The following IL5RA variants were observed in gnomAD, a reference collection of about 807,000 sequenced individuals.
The protein encoded by IL5RA is interleukin-5 receptor subunit alpha.
In IL5RA, 49 loss-of-function variants were observed where a neutral mutation model predicts 50.0. The ratio of observed to expected loss-of-function variants is 0.98; its 90% CI spans 0.78 to 1.24. IL5RA has a LOEUF of 1.24. IL5RA is among the 50% of genes most tolerant of loss of function. The probability of loss-of-function intolerance (pLI) is 0.00; values close to 1 mark genes in which losing one functional copy is unlikely to be tolerated. For missense variants in IL5RA, 600 were observed against 500.4 expected, an observed-to-expected ratio of 1.20 and a Z score of -1.90; for synonymous variants, 202 against 174.0, an observed-to-expected ratio of 1.16 and a Z score of -1.26.
At chr3:3,102,516 C>G (rs1162526927) in intron 4 of IL5RA, among the ~76,000 whole-genome samples, 159 bp downstream of exon 4, 1 of 152,192 alleles carries the variant, frequency 6.6e-6, no homozygotes, top group Non-Finnish European at 1.5e-5. Flanking sequence ...CCGGCGCTAG[C>G]TCACAGGCAT....
At chr3:3,102,577 A>C in intron 4 of IL5RA, 98 bp downstream of exon 4, 1 of 824,276 alleles carries the variant, frequency 1.2e-6, no homozygotes, top group Admixed American at 2.9e-5. Context: ...CCTGTCAGTA[A>C]TTTTATTTTT....
Position 3,092,150 on chromosome 3 carries a change from C to G in IL5RA, c.994+74G>C, listed in dbSNP as rs533721968. 6.4e-7 allele frequency: 1 copy of G among 1,566,662 alleles called. No individual in the cohort carries two copies. Among genetic ancestry groups the G allele is most frequent in the Non-Finnish European group, 8.6e-7 (1 of 1,160,848 alleles). On this transcript the variant is annotated intron_variant, in intron 9 of 11. Transcript: ENST00000446632. This position sits in a 1 kb window ranked among gnomAD's most constrained non-coding sequence, Gnocchi z 4.2. ...AACCATTTTAAGACCCACGAGTGAACGGGTACGTTTCTGGGATTACCTTTT... is the reference window on the plus strand; with the variant it reads ...AACCATTTTAAGACCCACGAGTGAAGGGGTACGTTTCTGGGATTACCTTTT...
At chr3:3,072,713 A>T (rs999301718) in intron 11 of IL5RA, among the ~76,000 whole-genome samples, 5 of 152,158 alleles carry the variant, frequency 3.3e-5, no homozygotes, top group African/African-American at 1.2e-4. Context: ...GGAGTTCAAG[A>T]CCAGCCTGGC....
rs775580829 is a variant in IL5RA, at chr3:3,102,759, T to C, written c.144A>G (p.Leu48=). The part of the protein sequence containing the change: ...IKVTGLAQVL[L]QWKPNPDQEQ... ...CTTGATCAGGATTTGGTTTCCATTG[T>C]AAAAGAACTTGAGCCAAACCAGTAA... The change falls in exon 4 of 12, where the codon TTA becomes TTG. Residue 48 remains leucine (L), a synonymous_variant. Transcript: ENST00000446632. The C allele has an allele frequency of 2.5e-6, 4 of 1,611,736 alleles. No homozygotes were observed. The highest frequency in any genetic ancestry group is 3.4e-6 in the Non-Finnish European group (4 of 1,178,272).
chr3:3,097,348 T>C (rs1703411677), intron 7 of IL5RA, among the ~76,000 whole-genome samples: 1 of 152,168 alleles, frequency 6.6e-6, no homozygotes, highest in Non-Finnish European at 1.5e-5. Flanking sequence ...GTGCTGCCTG[T>C]GAACAGCTAA....
chr3:3,092,021 A>C lies in IL5RA; in HGVS notation c.994+203T>G. 1 of 1,294,664 alleles carries C rather than the reference A, an allele frequency of 7.7e-7. No individual in the cohort carries two copies. Among genetic ancestry groups the C allele is most frequent in the Non-Finnish European group, 9.8e-7 (1 of 1,023,622 alleles). 80.2% of individuals were successfully genotyped at this position (1,294,664 alleles called of 1,614,324 possible). A position where few individuals can be genotyped will look rare whatever the true frequency, so the allele number is the denominator to read the frequency against. On this transcript the variant is annotated intron_variant, in intron 9 of 11. Transcript: ENST00000446632. The surrounding 1 kb of genome is among the most constrained non-coding windows in gnomAD (Gnocchi z 4.2). ...ACCAGGTCTAGGAGAGTTGGCGCTA[A>C]TGAGAAGCCTAGACACTTAAAAACT...
At position 3,068,594 on chromosome 3, in the gene IL5RA, A is replaced by AC. The variant is rs1702197973; in HGVS notation, c.*1630_*1631insG. ...TCTCCACCACCCACCCCACAAAAAA[A>AC]AAAAAAAAAAAAAACAAAAACAGGT... On this transcript the variant is annotated 3_prime_UTR_variant, in exon 12 of 12. Transcript: ENST00000446632. 1 of 96,148 alleles carries AC rather than the reference A, an allele frequency of 1.0e-5. No individual in the cohort carries two copies. Among genetic ancestry groups the AC allele is most frequent in the African/African-American group, 4.0e-5 (1 of 25,110 alleles). The allele number at this position is 96,148 out of a possible 1,614,324, so 6.0% of individuals were successfully genotyped here. A position where few individuals can be genotyped will look rare whatever the true frequency, so the allele number is the denominator to read the frequency against.
chr3:3,107,618 C>G (rs569910355), intron 2 of IL5RA, among the ~76,000 whole-genome samples: 2 of 144,532 alleles, frequency 1.4e-5, no homozygotes, highest in South Asian at 5.2e-4. Flanking sequence ...CAGAATGAAG[C>G]AACTATAGGT....
At position 3,092,802 on chromosome 3, in the gene IL5RA, C is replaced by T. The variant is rs919668630; in HGVS notation, c.856-440G>A. Among the ~76,000 whole-genome samples the T allele has an allele frequency of 2.6e-5, 4 of 152,170 alleles. No individual in the cohort carries two copies. Among genetic ancestry groups the T allele is most frequent in the East Asian group, 1.9e-4 (1 of 5,188 alleles). On this transcript the variant is annotated intron_variant, in intron 8 of 11. Coordinates refer to ENST00000446632, the MANE Select transcript of IL5RA (RefSeq NM_175726.4). The surrounding 1 kb of genome is among the most constrained non-coding windows in gnomAD (Gnocchi z 4.2). ...TGAGCCCTTCTTCTTTTTCCTTCTA[C>T]TGATCATGGTCGCCACCATCCAGCT... is the stretch of plus-strand genomic sequence containing the variant.
At position 3,099,324 on chromosome 3, in the gene IL5RA, C is replaced by G. The variant is rs80197468; in HGVS notation, c.368-1034G>C. On this transcript the variant is annotated intron_variant, in intron 5 of 11. Transcript: ENST00000446632. ...ACCAGCCCAGGCAACATGGTGAAAC[C>G]TCGTCTTTGCAAAAAATATAAAAAT... Among the ~76,000 whole-genome samples, 4,124 of 152,140 alleles carry G rather than the reference C, an allele frequency of 0.027. 442 individuals are homozygous for G. In the South Asian group the frequency reaches 0.29, roughly 11 times the overall value.
chr3:3,092,009 G>C lies in IL5RA; in HGVS notation c.994+215C>G, dbSNP rs1472844224. Reference sequence around the variant, plus strand: ...AAAAAAACAGGCACCAGGTCTAGGAGAGTTGGCGCTAATGAGAAGCCTAGA... The same window carrying C: ...AAAAAAACAGGCACCAGGTCTAGGACAGTTGGCGCTAATGAGAAGCCTAGA... On this transcript the variant is annotated intron_variant, in intron 9 of 11. Coordinates refer to ENST00000446632, the MANE Select transcript of IL5RA (RefSeq NM_175726.4). This position sits in a 1 kb window ranked among gnomAD's most constrained non-coding sequence, Gnocchi z 4.2. 2 of 1,272,696 alleles carry C rather than the reference G, an allele frequency of 1.6e-6. No homozygotes were observed. The highest frequency in any genetic ancestry group is 2.0e-6 in the Non-Finnish European group (2 of 1,011,672). 78.8% of individuals were successfully genotyped at this position (1,272,696 alleles called of 1,614,324 possible). A position where few individuals can be genotyped will look rare whatever the true frequency, so the allele number is the denominator to read the frequency against.
In IL5RA at chr3:3,092,825, G is replaced by A. The variant is rs1435651180; in HGVS notation, c.856-463C>T. On this transcript the variant is annotated intron_variant, in intron 8 of 11. Coordinates refer to ENST00000446632, the MANE Select transcript of IL5RA (RefSeq NM_175726.4). The surrounding 1 kb of genome is among the most constrained non-coding windows in gnomAD (Gnocchi z 4.2). ...TACTGATCATGGTCGCCACCATCCA[G>A]CTAGTCCCCTGTACCAGAGATGTGC... Among the ~76,000 whole-genome samples the A allele has an allele frequency of 6.6e-6, 1 of 152,160 alleles. No individual in the cohort carries two copies. Among genetic ancestry groups the A allele is most frequent in the Non-Finnish European group, 1.5e-5 (1 of 68,032 alleles).
At chr3:3,086,092 G>A (rs1026730397) in intron 9 of IL5RA, among the ~76,000 whole-genome samples, 16 of 152,108 alleles carry the variant, frequency 1.1e-4, no homozygotes, top group East Asian at 1.9e-4. Flanking sequence ...AAACTCCATC[G>A]TTTCTTTGAA....
intron 11 of IL5RA, among the ~76,000 whole-genome samples, chr3:3,072,423 C>G (rs933782139): frequency 6.6e-6 from 1 of 152,202 alleles, no homozygotes; most frequent in Non-Finnish European, 1.5e-5. Flanking sequence ...ACCAGCTTGT[C>G]TGCCCCAAGT....
chr3:3,072,699 G>A (rs1702342985), intron 11 of IL5RA, among the ~76,000 whole-genome samples: 1 of 152,152 alleles, frequency 6.6e-6, no homozygotes, highest in Non-Finnish European at 1.5e-5. Flanking sequence ...ATCACTTGAG[G>A]TCAGGAGTTC....
At position 3,095,464 on chromosome 3, in the gene IL5RA, A is replaced by G. The variant is rs1281968307; in HGVS notation, c.710-20T>C. 2.6e-6 allele frequency: 4 copies of G among 1,532,874 alleles called. No homozygotes were observed. Among genetic ancestry groups the G allele is most frequent in the Non-Finnish European group, 3.5e-6 (4 of 1,147,072 alleles). The allele number at this position is 1,532,874 out of a possible 1,614,324, so 95.0% of individuals were successfully genotyped here. A position where few individuals can be genotyped will look rare whatever the true frequency, so the allele number is the denominator to read the frequency against. The stretch of plus-strand genomic sequence containing the variant: ...TTTGATCTAAGTTAGGGAACGAAAG[A>G]TCAGTGATTTTTTTTTTAGAATCAG... On this transcript the variant is annotated intron_variant, in intron 7 of 11. Coordinates refer to ENST00000446632, the MANE Select transcript of IL5RA (RefSeq NM_175726.4).
intron 9 of IL5RA, chr3:3,089,858 C>CGTAT: frequency 5.7e-6 from 1 of 176,660 alleles, no homozygotes; most frequent in South Asian, 1.3e-4. Context: ...CCTGATCTGC[C>CGTAT]CACCTCGGCC....
chr3:3,098,142 G>T lies in IL5RA; in HGVS notation c.516C>A (p.Tyr172Ter). Residue 172 changes from tyrosine (Y) to a stop codon, truncating the protein, a stop_gained, in exon 6 of 12, where the codon TAC becomes TAA. Coordinates refer to ENST00000446632, the MANE Select transcript of IL5RA (RefSeq NM_175726.4). LOFTEE classifies it high-confidence loss of function. ...AAAATAGGTACAGTACTAACCTATA[G>T]TAGAGAAAATACTGCGTGTCCTCAG... Reference protein sequence around the residue: ...DAPEDTQYFLYYRYGSWTEEC... With the variant: ...DAPEDTQYFL The T allele has an allele frequency of 6.2e-7, 1 of 1,614,190 alleles. No homozygotes were observed. Among genetic ancestry groups the T allele is most frequent in the Non-Finnish European group, 8.5e-7 (1 of 1,180,022 alleles).
Position 3,095,305 on chromosome 3 carries a change from A to G in IL5RA, c.849T>C (p.Tyr283=). ...GAATAATCTGAGTAATTACCTGCAA[A>G]TATCCATTCCTTGTATTGTGTATTT... ...EVKIHNTRNG[Y]LQIEKLMTNA... The change falls in exon 8 of 12, where the codon TAT becomes TAC. Residue 283 remains tyrosine, a synonymous_variant. Transcript: ENST00000446632. The G allele has an allele frequency of 4.4e-6, 7 of 1,587,476 alleles. No homozygotes were observed. The highest frequency in any genetic ancestry group is 6.0e-6 in the Non-Finnish European group (7 of 1,163,080).
Sources: gnomAD v4.1 joint callset for allele counts (sites outside exome capture counted in the v4.1 genomes callset) on GRCh38, gnomAD v4.1.1 for gene constraint, Gnocchi (gnomAD v3.1) non-coding constraint, MANE v1.5 for transcripts, NCBI Gene and HGNC (gene_info 2026-07-23, HGNC 2026-07-21) for gene names.